Variants in CNBD1 observed in about 807,000 individuals in gnomAD.
CNBD1 encodes cyclic nucleotide binding domain containing 1.
Under a neutral mutation model 54.4 loss-of-function variants are expected in CNBD1, and 71 were observed. That is an observed-to-expected ratio of 1.30 (90% CI 1.08 to 1.59). The LOEUF (loss-of-function observed/expected upper bound fraction) is 1.59. CNBD1 is among the 40% of genes most tolerant of loss of function. CNBD1 has a pLI of 0.00. For missense variants in CNBD1, 659 were observed against 518.0 expected (o/e 1.27, Z -2.64); for synonymous variants, 182 against 170.7 (o/e 1.07, Z -0.51).
At chr8:87,321,601 A>C (rs1002028653) in intron 8 of CNBD1, among the ~76,000 whole-genome samples, 12 of 152,090 alleles carry the variant, frequency 7.9e-5, no homozygotes, top group Non-Finnish European at 1.6e-4. Context: ...ACCATTTATC[A>C]GGTATATAGT....
chr8:87,417,340 T>C (rs1807854399), intron 2 of CNBD1, among the ~76,000 whole-genome samples: 1 of 151,890 alleles, frequency 6.6e-6, no homozygotes, highest in African/African-American at 2.4e-5. Context: ...TCTCATGACA[T>C]GTAGGGATTA....
chr8:87,349,386 T>A (rs995407630), intron 8 of CNBD1, among the ~76,000 whole-genome samples: 4 of 151,952 alleles, frequency 2.6e-5, no homozygotes, highest in Non-Finnish European at 4.4e-5. Context: ...AAGATACAAT[T>A]TTTTTTTGAG....
chr8:87,228,996 C>T (rs575182870), intron 5 of CNBD1, among the ~76,000 whole-genome samples: 13 of 152,250 alleles, frequency 8.5e-5, no homozygotes, highest in Admixed American at 5.2e-4. Flanking sequence ...GGGAGTGACC[C>T]GATTTTCCCG....
chr8:87,078,039 A>C (rs1302830079), intron 4 of CNBD1, among the ~76,000 whole-genome samples: 2 of 152,192 alleles, frequency 1.3e-5, no homozygotes, highest in Non-Finnish European at 2.9e-5. Context: ...TCACTTCCAA[A>C]TGTCATCACA....
At chr8:87,061,406 C>T (rs1028924698) in intron 4 of CNBD1, among the ~76,000 whole-genome samples, 19 of 152,204 alleles carry the variant, frequency 1.2e-4, no homozygotes, top group African/African-American at 2.9e-4. Context: ...CAATGCTCTA[C>T]GATCCCCATA....
chr8:87,121,389 TTTA>T, intron 4 of CNBD1, among the ~76,000 whole-genome samples: 1 of 151,882 alleles, frequency 6.6e-6, no homozygotes, highest in South Asian at 2.1e-4. Context: ...TAAAATTATT[TTTA>T]TTGACAGGTC....
intron 8 of CNBD1, among the ~76,000 whole-genome samples, chr8:87,289,022 T>G (rs1808742160): frequency 6.6e-6 from 1 of 152,130 alleles, no homozygotes; most frequent in Admixed American, 6.6e-5. Flanking sequence ...TAATACTTCC[T>G]GACTGTTTAG....
intron 4 of CNBD1, among the ~76,000 whole-genome samples, chr8:86,963,533 C>T (rs1006368565): frequency 1.3e-5 from 2 of 152,180 alleles, no homozygotes; most frequent in East Asian, 1.9e-4. Context: ...GCAGGGGCTG[C>T]TCTACCATTG....
intron 4 of CNBD1, among the ~76,000 whole-genome samples, chr8:87,072,804 G>C (rs1000780553): frequency 6.6e-6 from 1 of 151,660 alleles, no homozygotes; most frequent in Non-Finnish European, 1.5e-5. Flanking sequence ...ATTTTCTCGT[G>C]TAGGATCTTA....
rs545022557 is a variant in CNBD1, at chr8:87,367,348, TG to T, written c.1303+13565del. ...CAGAACGTATATAAAGCTCTCCAGGTGGGCTTTTTGAAGATCCCCTCTTTCA... is the reference window on the plus strand; with the variant it reads ...CAGAACGTATATAAAGCTCTCCAGGTGGCTTTTTGAAGATCCCCTCTTTCA... On this transcript the variant is annotated intron_variant, in intron 10 of 10. Coordinates refer to ENST00000518476, the MANE Select transcript of CNBD1 (RefSeq NM_173538.3). 1.4e-4 allele frequency among the ~76,000 whole-genome samples: 22 copies of T among 152,176 alleles called. No homozygotes were observed. In the East Asian group the frequency reaches 4.3e-3, roughly 30 times the overall value.
chr8:87,156,723 T>C (rs1812751146), intron 4 of CNBD1, among the ~76,000 whole-genome samples: 1 of 152,092 alleles, frequency 6.6e-6, no homozygotes, highest in African/African-American at 2.4e-5. Flanking sequence ...AAGCCTGCTA[T>C]GGGATTAAAG....
chr8:86,900,589 T>G (rs1336238345), intron 2 of CNBD1, among the ~76,000 whole-genome samples: 2 of 152,182 alleles, frequency 1.3e-5, no homozygotes, highest in African/African-American at 4.8e-5. Context: ...ACTTGCCTAA[T>G]AGACTATAAA....
intron 2 of CNBD1, among the ~76,000 whole-genome samples, chr8:87,408,393 ATGTG>A (rs532231229): frequency 1.9e-4 from 29 of 150,826 alleles, no homozygotes; most frequent in Non-Finnish European, 2.8e-4. Flanking sequence ...AGATACATAT[ATGTG>A]TGTGTGTGTG....
At chr8:87,408,114 CT>C (rs1483351424) in intron 2 of CNBD1, among the ~76,000 whole-genome samples, 1 of 151,956 alleles carries the variant, frequency 6.6e-6, no homozygotes, top group Non-Finnish European at 1.5e-5. Context: ...TATCTTTCCC[CT>C]TTAGTTACAT....
intron 8 of CNBD1, among the ~76,000 whole-genome samples, chr8:87,332,181 C>G (rs1303663288): frequency 1.3e-5 from 2 of 152,054 alleles, no homozygotes; most frequent in African/African-American, 2.4e-5. Flanking sequence ...AACCCCGTCT[C>G]TATTAAAAAT....
intron 8 of CNBD1, among the ~76,000 whole-genome samples, chr8:87,313,654 C>T (rs1220838992): frequency 1.3e-5 from 2 of 151,692 alleles, no homozygotes; most frequent in Non-Finnish European, 2.9e-5. Context: ...TTCTTCTTCT[C>T]AGGAAGATCT....
intron 4 of CNBD1, among the ~76,000 whole-genome samples, chr8:87,136,608 A>C (rs189272952): frequency 2.0e-5 from 1 of 50,448 alleles, no homozygotes; most frequent in Non-Finnish European, 3.3e-5. Context: ...TATTTATATT[A>C]TATATAAATT....
intron 3 of CNBD1, among the ~76,000 whole-genome samples, chr8:86,935,881 T>G (rs1020290200): frequency 1.5e-5 from 2 of 136,888 alleles, no homozygotes; most frequent in African/African-American, 5.2e-5. Flanking sequence ...TAGTGACTCA[T>G]GCCTGTAATC....
downstream of CNBD1, among the ~76,000 whole-genome samples, chr8:87,387,325 G>C (rs1003818426): frequency 2.0e-5 from 3 of 151,930 alleles, no homozygotes; most frequent in Non-Finnish European, 4.4e-5. Flanking sequence ...TGGATAAAGA[G>C]CCAAGACCCA....
Sources: gnomAD v4.1 joint callset for allele counts (sites outside exome capture counted in the v4.1 genomes callset) on GRCh38, gnomAD v4.1.1 for gene constraint, MANE v1.5 for transcripts, NCBI Gene and HGNC (gene_info 2026-07-23, HGNC 2026-07-21) for gene names.